COTL1: variants seen among roughly 807,000 people sequenced by gnomAD.
COTL1 encodes the protein coactosin like F-actin binding protein 1, also known as coactosin-like protein.
COTL1 carries 15 observed loss-of-function variants against 16.5 expected under a neutral mutation model. That is an observed-to-expected ratio of 0.91 (90% CI 0.61 to 1.40). COTL1 has a LOEUF of 1.40. Among genes scored for constraint, COTL1 ranks in the 40% most tolerant of loss-of-function variants. COTL1 has a pLI of 0.00. For missense variants in COTL1, 220 were observed against 201.5 expected (o/e 1.09, Z -0.56); for synonymous variants, 112 against 85.3 (o/e 1.31, Z -1.73).
intron 2 of COTL1, chr16:84,596,848 G>T: frequency 6.5e-6 from 1 of 152,730 alleles, no homozygotes; most frequent in Non-Finnish European, 1.5e-5. Flanking sequence ...CCACTGCTCT[G>T]TCCTTAACAA....
intron 2 of COTL1, among the ~76,000 whole-genome samples, chr16:84,597,824 A>G (rs976680067): frequency 1.3e-5 from 2 of 152,134 alleles, no homozygotes; most frequent in Non-Finnish European, 2.9e-5. Flanking sequence ...CGCCCATCAA[A>G]GACCACCAGG....
At chr16:84,617,737 C>T in intron 1 of COTL1, 101 bp downstream of exon 1, 1 of 1,385,414 alleles carries the variant, frequency 7.2e-7, no homozygotes, top group Non-Finnish European at 1.0e-6. Context: ...AGGAAGACAG[C>T]GCGGGAGGCC....
At chr16:84,613,703 G>A (rs776854086) in intron 2 of COTL1, among the ~76,000 whole-genome samples, 30 of 152,236 alleles carry the variant, frequency 2.0e-4, no homozygotes, top group Non-Finnish European at 3.5e-4. Context: ...CAAATAGACT[G>A]TTGCTATGAA....
At chr16:84,615,853 T>TTGTGTGTGTG (rs112335989) in intron 2 of COTL1, among the ~76,000 whole-genome samples, 50,012 of 149,564 alleles carry the variant, frequency 0.33, 9,038 homozygotes, top group Admixed American at 0.43. Context: ...AATTTTAGTT[T>TTGTGTGTGTG]TGTGTGTGTG....
chr16:84,573,766 C>CAT (rs5818496), intron 3 of COTL1, among the ~76,000 whole-genome samples: 4 of 61,470 alleles, frequency 6.5e-5, no homozygotes, highest in African/African-American at 2.1e-4. Flanking sequence ...TATATATATA[C>CAT]ATACACACAC....
chr16:84,567,882 G>C (rs1363517065), intron 3 of COTL1: 1 of 151,546 alleles, frequency 6.6e-6, no homozygotes, highest in African/African-American at 2.4e-5. Flanking sequence ...CAAAATTTCA[G>C]AACGATGACG....
intron 2 of COTL1, among the ~76,000 whole-genome samples, chr16:84,598,700 G>A (rs1242726496): frequency 2.7e-5 from 4 of 149,902 alleles, no homozygotes; most frequent in African/African-American, 7.4e-5. Flanking sequence ...GAGAGGGATG[G>A]GGCAGGGAAA....
intron 1 of COTL1, 61 bp downstream of exon 1, chr16:84,617,777 G>C (rs1905536745): frequency 6.7e-7 from 1 of 1,502,620 alleles, no homozygotes; most frequent in East Asian, 2.5e-5. Context: ...GGCCGGCTCG[G>C]TGCACGAGGC....
At chr16:84,568,757 T>C (rs1208460148) in intron 3 of COTL1, 1 of 152,236 alleles carries the variant, frequency 6.6e-6, no homozygotes. Flanking sequence ...GACTTGATTT[T>C]GAGGTACATA....
At chr16:84,573,700 A>T (rs968303821) in intron 3 of COTL1, among the ~76,000 whole-genome samples, 2 of 151,070 alleles carry the variant, frequency 1.3e-5, no homozygotes, top group African/African-American at 4.9e-5. Context: ...AGATCGCACC[A>T]TTGCACTCCA....
Position 84,566,503 on chromosome 16 carries a change from G to A in COTL1, c.*342C>T, listed in dbSNP as rs1031915467. On this transcript the variant is annotated 3_prime_UTR_variant, in exon 4 of 4. Transcript: ENST00000262428. ...TCTCACTAGGCAGACCTCGTCGCGT[G>A]GAAGAGAAATGCCAGGAAAAGGGGT... is the stretch of plus-strand genomic sequence containing the variant. 9.5e-6 allele frequency: 2 copies of A among 209,562 alleles called. No individual in the cohort carries two copies. Among genetic ancestry groups the A allele is most frequent in the African/African-American group, 4.6e-5 (2 of 43,266 alleles). 13.0% of individuals were successfully genotyped at this position (209,562 alleles called of 1,614,324 possible).
chr16:84,617,941 TCCGGGGCGGCCGAGCGCGCCCCTGG>T lies in COTL1; in HGVS notation c.-52_-28del, dbSNP rs764614568. Reference sequence around the variant, plus strand: ...GCCGCGGAGCCGCAGCGGGACACTGTCCGGGGCGGCCGAGCGCGCCCCTGGCCGGCGGCGGGGATGGGAGCGCGGC... The same window carrying T: ...GCCGCGGAGCCGCAGCGGGACACTGTCCGGCGGCGGGGATGGGAGCGCGGC... On this transcript the variant is annotated 5_prime_UTR_variant, in exon 1 of 4. Transcript: ENST00000262428. 1.6e-5 allele frequency: 24 copies of T among 1,519,048 alleles called. No individual in the cohort carries two copies. In the South Asian group the frequency reaches 2.8e-4, roughly 18 times the overall value. 94.1% of individuals were successfully genotyped at this position (1,519,048 alleles called of 1,614,324 possible). A position where few individuals can be genotyped will look rare whatever the true frequency, so the allele number is the denominator to read the frequency against.
intron 2 of COTL1, among the ~76,000 whole-genome samples, chr16:84,591,956 A>C (rs1199044253): frequency 6.6e-6 from 1 of 152,202 alleles, no homozygotes; most frequent in Non-Finnish European, 1.5e-5. Flanking sequence ...CCCCACTAGG[A>C]TAAACCAAAA....
intron 3 of COTL1, among the ~76,000 whole-genome samples, chr16:84,585,619 G>A (rs1242481302): frequency 4.6e-5 from 7 of 152,156 alleles, no homozygotes; most frequent in Non-Finnish European, 1.5e-5. Context: ...GGGCCCATCT[G>A]GAAGGTCCCT....
intron 2 of COTL1, among the ~76,000 whole-genome samples, chr16:84,597,175 C>T (rs1011980026): frequency 1.3e-5 from 2 of 152,166 alleles, no homozygotes; most frequent in Non-Finnish European, 2.9e-5. Flanking sequence ...GTCACGGAGT[C>T]ACTCCTTCTG....
At chr16:84,567,493 G>C (rs1353805322) in intron 3 of COTL1, 1 of 152,638 alleles carries the variant, frequency 6.6e-6, no homozygotes, top group Non-Finnish European at 1.5e-5. Flanking sequence ...GGAGGTGGAA[G>C]GAGACAGGCG....
chr16:84,573,788 C>T (rs934333229), intron 3 of COTL1, among the ~76,000 whole-genome samples: 18 of 151,346 alleles, frequency 1.2e-4, no homozygotes, highest in African/African-American at 4.4e-4. Flanking sequence ...CACACACACA[C>T]ACACACTCAA....
chr16:84,617,497 C>A lies in COTL1; in HGVS notation c.160+4G>T. On this transcript the variant is annotated splice_donor_region_variant and intron_variant, in intron 2 of 3. Coordinates refer to ENST00000262428, the MANE Select transcript of COTL1 (RefSeq NM_021149.5). ...GCATCCGCCCGGCAGGCGCGCCTCC[C>A]TACCTGTGCACTGCTGGATGAAGTG... The A allele has an allele frequency of 6.4e-7, 1 of 1,551,598 alleles. No homozygotes were observed.
chr16:84,583,811 C>G (rs892439959), intron 3 of COTL1, among the ~76,000 whole-genome samples: 3 of 152,144 alleles, frequency 2.0e-5, no homozygotes, highest in Non-Finnish European at 2.9e-5. Flanking sequence ...CTAGTTCACA[C>G]CATCCCTGGC....
Sources: allele counts gnomAD v4.1 joint callset (sites outside exome capture counted in the v4.1 genomes callset), GRCh38; gene constraint gnomAD v4.1.1; transcripts MANE v1.5; gene names NCBI Gene and HGNC (gene_info 2026-07-23, HGNC 2026-07-21).